The following DTWD2 variants were observed in gnomAD, a reference collection of about 807,000 sequenced individuals.
The protein encoded by DTWD2 is DTW motif tRNA-uridine aminocarboxypropyltransferase 2, also known as tRNA-uridine aminocarboxypropyltransferase 2.
DTWD2 carries 39 observed loss-of-function variants against 31.8 expected under a neutral mutation model. The observed-to-expected ratio is 1.22, with a 90% CI of 0.95 to 1.60. The LOEUF (loss-of-function observed/expected upper bound fraction) is 1.60, where lower values mean the gene tolerates loss of function less well. Ranked by LOEUF, DTWD2 falls within the 40% of genes most tolerant of loss-of-function variation. The pLI is 0.00. For synonymous variants in DTWD2, 180 were observed against 142.8 expected (o/e 1.26, Z -1.86); for missense variants, 515 against 381.5 (o/e 1.35, Z -2.92).
intron 4 of DTWD2, among the ~76,000 whole-genome samples, chr5:118,872,758 A>T (rs1406701124): frequency 6.6e-6 from 1 of 152,232 alleles, no homozygotes; most frequent in Non-Finnish European, 1.5e-5. Flanking sequence ...ATCTGAGCAC[A>T]TGCTGTTGGA....
chr5:118,869,025 G>T (rs1357336961), intron 4 of DTWD2, among the ~76,000 whole-genome samples: 2 of 151,986 alleles, frequency 1.3e-5, no homozygotes. Flanking sequence ...GAGGCAGAAT[G>T]GTGGTTCCCA....
chr5:118,984,290 C>CAA (rs58684460), intron 1 of DTWD2, among the ~76,000 whole-genome samples: 3 of 140,276 alleles, frequency 2.1e-5, no homozygotes, highest in African/African-American at 5.2e-5. Flanking sequence ...AACTCCATCT[C>CAA]AAAAAAAAAA....
chr5:118,890,549 CT>C (rs1752955830), intron 4 of DTWD2, among the ~76,000 whole-genome samples: 1 of 107,904 alleles, frequency 9.3e-6, no homozygotes, highest in African/African-American at 3.3e-5. Context: ...AAAAGTGGGG[CT>C]TTTAGGTTTT....
chr5:118,882,151 T>C (rs1247732589), intron 4 of DTWD2, among the ~76,000 whole-genome samples: 1 of 152,024 alleles, frequency 6.6e-6, no homozygotes, highest in Non-Finnish European at 1.5e-5. Context: ...ATGGGAGAAA[T>C]TGGCCAAAAC....
rs181420420 is a variant in DTWD2, at chr5:118,860,387, T to C, written c.598-12169A>G. On this transcript the variant is annotated intron_variant, in intron 4 of 5. Transcript: ENST00000510708. Reference sequence around the variant, plus strand: ...TCCTTTTCATATTTTTTATATTTCTTTTTATAATAGTATAATACTTGATTG... The same window carrying C: ...TCCTTTTCATATTTTTTATATTTCTCTTTATAATAGTATAATACTTGATTG... Among the ~76,000 whole-genome samples the C allele has an allele frequency of 8.4e-4, 128 of 151,876 alleles. No individual in the cohort carries two copies. The South Asian group carries it at 0.013, about 16-fold the overall frequency.
intron 4 of DTWD2, among the ~76,000 whole-genome samples, chr5:118,862,164 G>A (rs988573622): frequency 3.3e-5 from 5 of 152,204 alleles, no homozygotes; most frequent in African/African-American, 1.2e-4. Context: ...TCCTTATGAG[G>A]ATCTAACTAA....
chr5:118,939,799 C>T (rs1754140604), intron 2 of DTWD2, among the ~76,000 whole-genome samples: 1 of 152,082 alleles, frequency 6.6e-6, no homozygotes, highest in Non-Finnish European at 1.5e-5. Context: ...CAAAGGGACA[C>T]AGAAGCCAAT....
rs561511655 is a variant in DTWD2 at position 118,872,443 on chromosome 5, C to G, written c.598-24225G>C. Among the ~76,000 whole-genome samples the G allele has an allele frequency of 1.1e-4, 17 of 152,254 alleles. No homozygotes were observed. The South Asian group carries it at 1.7e-3, about 15-fold the overall frequency. On this transcript the variant is annotated intron_variant, in intron 4 of 5. Coordinates refer to ENST00000510708, the MANE Select transcript of DTWD2 (RefSeq NM_173666.4). ...TAAAGTAAGTGACATGTGACTCTTCCTTTCACTTGAACGCTTAGAGGCCAT... is the reference window on the plus strand; with the variant it reads ...TAAAGTAAGTGACATGTGACTCTTCGTTTCACTTGAACGCTTAGAGGCCAT...
intron 5 of DTWD2, among the ~76,000 whole-genome samples, chr5:118,842,563 T>A (rs1751743501): frequency 6.6e-6 from 1 of 152,146 alleles, no homozygotes; most frequent in Non-Finnish European, 1.5e-5. Context: ...CACCTCAGCA[T>A]TTCTGATTTA....
chr5:118,937,168 A>T (rs751701457), intron 3 of DTWD2, among the ~76,000 whole-genome samples: 96 of 152,290 alleles, frequency 6.3e-4, no homozygotes, highest in African/African-American at 2.2e-3. Context: ...TGCAGAAATC[A>T]ATCAATATAA....
chr5:118,868,276 C>T (rs563573432), intron 4 of DTWD2, among the ~76,000 whole-genome samples: 8 of 151,642 alleles, frequency 5.3e-5, no homozygotes, highest in Non-Finnish European at 8.8e-5. Context: ...AAATGAATCA[C>T]GGACTAAACC....
chr5:118,908,134 A>G (rs1753375435), intron 4 of DTWD2, among the ~76,000 whole-genome samples: 1 of 152,154 alleles, frequency 6.6e-6, no homozygotes, highest in African/African-American at 2.4e-5. Flanking sequence ...TGAAGATGAA[A>G]CAGATGTAGT....
chr5:118,976,657 G>A (rs1729637176), intron 1 of DTWD2, among the ~76,000 whole-genome samples: 1 of 152,156 alleles, frequency 6.6e-6, no homozygotes. Flanking sequence ...TCGAATCCCT[G>A]AATAGACCGA....
intron 1 of DTWD2, among the ~76,000 whole-genome samples, chr5:118,955,496 G>C (rs1195221121): frequency 6.6e-6 from 1 of 152,112 alleles, no homozygotes; most frequent in African/African-American, 2.4e-5. Flanking sequence ...ATAATGGATT[G>C]AATAATTTAT....
chr5:118,912,288 A>T (rs980703113), intron 4 of DTWD2, among the ~76,000 whole-genome samples: 1 of 152,176 alleles, frequency 6.6e-6, no homozygotes, highest in African/African-American at 2.4e-5. Context: ...AGTGATTTCC[A>T]CCCAAAGCAA....
intron 4 of DTWD2, among the ~76,000 whole-genome samples, chr5:118,899,213 G>A (rs1049290775): frequency 1.3e-5 from 2 of 152,216 alleles, no homozygotes; most frequent in African/African-American, 4.8e-5. Context: ...AGCTCAAGAA[G>A]ACTGTGATGT....
At chr5:118,891,071 T>C (rs561861256) in intron 4 of DTWD2, among the ~76,000 whole-genome samples, 1 of 152,352 alleles carries the variant, frequency 6.6e-6, no homozygotes, top group South Asian at 2.1e-4. Flanking sequence ...AGAGATTTCA[T>C]TAGTAATTTC....
At chr5:118,848,608 T>C (rs556918131) in intron 4 of DTWD2, among the ~76,000 whole-genome samples, 126 of 152,120 alleles carry the variant, frequency 8.3e-4, no homozygotes, top group African/African-American at 2.9e-3. Context: ...TAAAAAAGGC[T>C]GCAGCTAAAA....
intron 4 of DTWD2, among the ~76,000 whole-genome samples, chr5:118,912,018 C>A (rs971681507): frequency 2.6e-5 from 4 of 152,202 alleles, no homozygotes; most frequent in Admixed American, 1.3e-4. Flanking sequence ...TTCTTCACAC[C>A]AAGCCATCTT....
Sources: allele counts gnomAD v4.1 joint callset (sites outside exome capture counted in the v4.1 genomes callset), GRCh38; gene constraint gnomAD v4.1.1; transcripts MANE v1.5; gene names NCBI Gene and HGNC (gene_info 2026-07-23, HGNC 2026-07-21).